Variants in OSBPL1A observed in about 807,000 individuals in gnomAD.
OSBPL1A encodes the protein oxysterol-binding protein-related protein 1.
OSBPL1A carries 80 observed loss-of-function variants against 137.1 expected under a neutral mutation model. That is an observed-to-expected ratio of 0.58 (90% CI 0.49 to 0.70). The LOEUF (loss-of-function observed/expected upper bound fraction) is 0.70. OSBPL1A is among the 30% of genes least tolerant of loss of function. OSBPL1A has a pLI of 0.00. For synonymous variants in OSBPL1A, 365 were observed against 389.7 expected, an observed-to-expected ratio of 0.94 and a Z score of 0.75; for missense variants, 970 against 1,129.4, an observed-to-expected ratio of 0.86 and a Z score of 2.02.
chr18:24,188,700 AACTT>A (rs1418301294), intron 18 of OSBPL1A, among the ~76,000 whole-genome samples: 2 of 152,220 alleles, frequency 1.3e-5, no homozygotes, highest in Non-Finnish European at 2.9e-5. Context: ...AAAATATAGC[AACTT>A]ACTTGCAATT....
Position 24,281,582 on chromosome 18 carries a change from G to A in OSBPL1A, c.1175-634C>T, listed in dbSNP as rs532207386. ...TTTTTTGTATTTTCAGTAGAGATGG[G>A]GTTTCACAACGTTGGCCAGGCTGGT... On this transcript the variant is annotated intron_variant, in intron 14 of 27. Coordinates refer to ENST00000319481, the MANE Select transcript of OSBPL1A (RefSeq NM_080597.4). Among the ~76,000 whole-genome samples the A allele has an allele frequency of 3.5e-4, 53 of 151,226 alleles. No individual in the cohort carries two copies. The South Asian group carries it at 7.3e-3, about 21-fold the overall frequency.
At chr18:24,248,353 G>A (rs1184168908) in intron 15 of OSBPL1A, among the ~76,000 whole-genome samples, 1 of 152,190 alleles carries the variant, frequency 6.6e-6, no homozygotes, top group Non-Finnish European at 1.5e-5. Context: ...AAAGCCTCAT[G>A]AGCACTAACT....
intron 17 of OSBPL1A, among the ~76,000 whole-genome samples, chr18:24,218,923 A>G (rs1277129983): frequency 6.6e-6 from 1 of 152,200 alleles, no homozygotes; most frequent in Non-Finnish European, 1.5e-5. Context: ...GTACACTACA[A>G]ATATACAATT....
intron 19 of OSBPL1A, among the ~76,000 whole-genome samples, chr18:24,180,737 C>A (rs2086584766): frequency 6.6e-6 from 1 of 152,130 alleles, no homozygotes; most frequent in Non-Finnish European, 1.5e-5. Context: ...ATTAGCCAGG[C>A]ATAGTGGCGG....
intron 7 of OSBPL1A, among the ~76,000 whole-genome samples, chr18:24,329,136 A>G (rs990386662): frequency 9.9e-5 from 15 of 152,192 alleles, no homozygotes; most frequent in Admixed American, 4.6e-4. Flanking sequence ...GGTCCCAGCT[A>G]CGTAGGAGGC....
At chr18:24,202,818 G>T (rs1486102780) in intron 17 of OSBPL1A, among the ~76,000 whole-genome samples, 1 of 152,046 alleles carries the variant, frequency 6.6e-6, no homozygotes, top group East Asian at 1.9e-4. Flanking sequence ...AATTCACAAC[G>T]CTTGGTAATC....
At chr18:24,386,965 A>G (rs983243940) in intron 1 of OSBPL1A, among the ~76,000 whole-genome samples, 3 of 152,166 alleles carry the variant, frequency 2.0e-5, no homozygotes, top group Admixed American at 2.0e-4. Flanking sequence ...TCAAAAACAT[A>G]TATATACTTT....
intron 20 of OSBPL1A, 114 bp downstream of exon 20, chr18:24,179,624 A>G: frequency 4.8e-6 from 4 of 840,762 alleles, no homozygotes; most frequent in South Asian, 3.4e-5. Flanking sequence ...AACAAACATC[A>G]AAATTGTTAA....
chr18:24,332,432 C>T (rs922224552), intron 7 of OSBPL1A, among the ~76,000 whole-genome samples: 9 of 134,950 alleles, frequency 6.7e-5, no homozygotes, highest in African/African-American at 2.5e-4. Context: ...TAGCATTGTG[C>T]TGAAGTGCTG....
chr18:24,341,805 G>T, intron 4 of OSBPL1A, 147 bp from the exon 5 acceptor site: 1 of 496,006 alleles, frequency 2.0e-6, no homozygotes, highest in Non-Finnish European at 3.5e-6. Flanking sequence ...TAATAAATGA[G>T]TGATTCAACT....
rs1338711252 is a variant in OSBPL1A at position 24,322,132 on chromosome 18, CAG to C, written c.626-3325_626-3324del. ...TTTTTTTTTTTTTTTTTTTTTGAGA[CAG>C]AGTTTCCCTCTGTTGCCCAGGCTGG... On this transcript the variant is annotated intron_variant, in intron 7 of 27. Coordinates refer to ENST00000319481, the MANE Select transcript of OSBPL1A (RefSeq NM_080597.4). Among the ~76,000 whole-genome samples, 403 of 122,480 alleles carry C rather than the reference CAG, an allele frequency of 3.3e-3. 1 individual carries two copies. The highest frequency in any genetic ancestry group is 0.012 in the African/African-American group (389 of 31,224). 80.4% of individuals were successfully genotyped at this position (122,480 alleles called of 152,430 possible).
intron 27 of OSBPL1A, 38 bp from the exon 28 acceptor site, chr18:24,163,319 T>C (rs1322808103): frequency 1.4e-6 from 2 of 1,451,922 alleles, no homozygotes; most frequent in Non-Finnish European, 1.9e-6. Flanking sequence ...CAGGGGAAAC[T>C]ATGGAAAATC....
In OSBPL1A at chr18:24,170,339, C is replaced by G. The variant is rs201663018; in HGVS notation, c.2406G>C (p.Lys802Asn). Residue 802 changes from lysine to asparagine, a missense_variant, in exon 24 of 28, where the codon AAG becomes AAC. Lys to Asn is a moderately conservative substitution (Grantham distance 94). Around this residue, in one of 2 missense-constraint regions of OSBPL1A, gnomAD observed 323 missense variants for 456.8 expected, o/e 0.71. Coordinates refer to ENST00000319481, the MANE Select transcript of OSBPL1A (RefSeq NM_080597.4). ...KNDKKNTEEKKNSKQMSTSEE... is the reference protein window; with the variant it reads ...KNDKKNTEEKNNSKQMSTSEE... ...ACAGGATGTTCACCTGTTTGCTGTT[C>G]TTCTTCTCTTCTGTATTTTTCTTAT... The G allele has an allele frequency of 1.4e-5, 22 of 1,613,708 alleles. No individual in the cohort carries two copies. The highest frequency in any genetic ancestry group is 8.9e-5 in the East Asian group (4 of 44,874).
chr18:24,171,725 G>A (rs925494917), intron 22 of OSBPL1A, among the ~76,000 whole-genome samples: 4 of 152,142 alleles, frequency 2.6e-5, no homozygotes, highest in Non-Finnish European at 4.4e-5. Context: ...AGGTCACAAA[G>A]TAGAATGGGA....
At chr18:24,329,497 T>G (rs1380530014) in intron 7 of OSBPL1A, among the ~76,000 whole-genome samples, 1 of 142,150 alleles carries the variant, frequency 7.0e-6, no homozygotes, top group Admixed American at 7.3e-5. Flanking sequence ...TTGCAGTGAG[T>G]CGAGATCGCG....
intron 17 of OSBPL1A, among the ~76,000 whole-genome samples, chr18:24,216,431 C>T (rs963941494): frequency 1.6e-4 from 25 of 152,258 alleles, no homozygotes; most frequent in Middle Eastern, 3.4e-3. Flanking sequence ...TGCTTGAACC[C>T]GGGAGGCAGG....
At position 24,167,455 on chromosome 18, in the gene OSBPL1A, C is replaced by A; in HGVS notation, c.2419-10G>T. The stretch of plus-strand genomic sequence containing the variant: ...CCTCAGAGGTGCTCATCTAGAAAAA[C>A]CAATCAATGAACAAAATTTAAGTAG... On this transcript the variant is annotated splice_polypyrimidine_tract_variant and intron_variant, in intron 24 of 27. Transcript: ENST00000319481. 1.2e-6 allele frequency: 2 copies of A among 1,609,004 alleles called. No homozygotes were observed. Among genetic ancestry groups the A allele is most frequent in the South Asian group, 1.1e-5 (1 of 90,964 alleles).
At chr18:24,292,816 TA>T (rs1318419527) in intron 14 of OSBPL1A, among the ~76,000 whole-genome samples, 1 of 151,844 alleles carries the variant, frequency 6.6e-6, no homozygotes, top group Non-Finnish European at 1.5e-5. Context: ...TGCTCAAAGG[TA>T]ACTGAGGTCT....
At chr18:24,280,975 A>T (rs1656059637) in intron 14 of OSBPL1A, 27 bp from the exon 15 acceptor site, 1 of 1,488,598 alleles carries the variant, frequency 6.7e-7, no homozygotes, top group African/African-American at 1.4e-5. Flanking sequence ...AAATACAGTG[A>T]GTCGGATTTT....
Sources: gnomAD v4.1 joint callset for allele counts (sites outside exome capture counted in the v4.1 genomes callset) on GRCh38, gnomAD v4.1.1 for gene constraint, gnomAD v4.1.1 regional missense constraint, MANE v1.5 for transcripts, NCBI Gene and HGNC (gene_info 2026-07-23, HGNC 2026-07-21) for gene names.